The following C3orf85 variants were observed in gnomAD, a reference collection of about 807,000 sequenced individuals.
C3orf85 encodes the protein chromosome 3 open reading frame 85, also known as uncharacterized protein C3orf85.
In C3orf85, 1 loss-of-function variant was observed where a neutral mutation model predicts 1.7. The ratio of observed to expected loss-of-function variants is 0.60; its 90% CI spans 0.21 to 2.86. C3orf85 has a LOEUF of 2.86. C3orf85 is among the 30% of genes most tolerant of loss of function. The pLI, the probability that C3orf85 is intolerant of heterozygous loss-of-function variation, is 0.22. For synonymous variants in C3orf85, 17 were observed against 8.0 expected (o/e 2.13, Z -1.90); for missense variants, 29 against 21.3 (o/e 1.36, Z -0.72).
intron 2 of C3orf85, among the ~76,000 whole-genome samples, chr3:109,137,904 A>T (rs1381322379): frequency 6.6e-6 from 1 of 152,006 alleles, no homozygotes; most frequent in Non-Finnish European, 1.5e-5. Context: ...GCACATTGTA[A>T]TTTAAAGACA....
At position 109,148,282 on chromosome 3, in the gene C3orf85, G is replaced by C; in HGVS notation, c.79G>C (p.Asp27His). Residue 27 changes from aspartate to histidine, a missense_variant, in exon 3 of 4, where the codon GAC becomes CAC. By Grantham distance (81) the Asp-to-His change is moderately conservative. Coordinates refer to ENST00000622536, the MANE Select transcript of C3orf85 (RefSeq NM_001351622.2). ...ATTGGGAGCGCCATTTTTGTTGGAA[G>C]ACCCTGCAAACCAGTTCCTACGTCT... ...GALGAPFLLE[D>H]PANQFLRLKR... 2 of 702,196 alleles carry C rather than the reference G, an allele frequency of 2.8e-6. No homozygotes were observed. The highest frequency in any genetic ancestry group is 5.2e-6 in the Non-Finnish European group (2 of 384,608). 43.5% of individuals were successfully genotyped at this position (702,196 alleles called of 1,614,324 possible). A position where few individuals can be genotyped will look rare whatever the true frequency, so the allele number is the denominator to read the frequency against.
At position 109,150,426 on chromosome 3, in the gene C3orf85, TACA is replaced by T; in HGVS notation, c.*537_*539del. 1 of 152,296 alleles carries T rather than the reference TACA, an allele frequency of 6.6e-6. No homozygotes were observed. Among genetic ancestry groups the T allele is most frequent in the African/African-American group, 2.4e-5 (1 of 41,580 alleles). 9.4% of individuals were successfully genotyped at this position (152,296 alleles called of 1,614,324 possible). A position where few individuals can be genotyped will look rare whatever the true frequency, so the allele number is the denominator to read the frequency against. ...AGTGGAGAATACAGCCTTACCTTAATACAACAAGTAGATAGTGGCTAGGAACTC... is the reference window on the plus strand; with the variant it reads ...AGTGGAGAATACAGCCTTACCTTAATACAAGTAGATAGTGGCTAGGAACTC... On this transcript the variant is annotated 3_prime_UTR_variant, in exon 4 of 4. Transcript: ENST00000622536.
At chr3:109,146,963 A>G (rs1156685002) in intron 2 of C3orf85, among the ~76,000 whole-genome samples, 2 of 152,074 alleles carry the variant, frequency 1.3e-5, no homozygotes. Context: ...TGTCACTAAT[A>G]CCTCCTAAGT....
chr3:109,147,366 A>T (rs1706812194), intron 2 of C3orf85, among the ~76,000 whole-genome samples: 1 of 152,190 alleles, frequency 6.6e-6, no homozygotes, highest in Non-Finnish European at 1.5e-5. Flanking sequence ...GTTGGTCAAC[A>T]GAGGACTGCT....
chr3:109,145,930 C>A (rs542086973), intron 2 of C3orf85, among the ~76,000 whole-genome samples: 5 of 152,284 alleles, frequency 3.3e-5, no homozygotes, highest in East Asian at 1.9e-4. Flanking sequence ...AGAATACATG[C>A]GCTTTGCTTC....
At chr3:109,142,361 T>A (rs1157288803) in intron 2 of C3orf85, among the ~76,000 whole-genome samples, 1 of 152,128 alleles carries the variant, frequency 6.6e-6, no homozygotes, top group African/African-American at 2.4e-5. Context: ...AAACAATAAA[T>A]ATTATTAGGT....
At chr3:109,139,182 T>A (rs1405379449) in intron 2 of C3orf85, among the ~76,000 whole-genome samples, 1 of 152,262 alleles carries the variant, frequency 6.6e-6, no homozygotes, top group Admixed American at 6.5e-5. Flanking sequence ...CTACCACTTA[T>A]GAGAACAAAA....
intron 2 of C3orf85, among the ~76,000 whole-genome samples, chr3:109,145,191 G>T (rs899956922): frequency 3.3e-5 from 5 of 151,780 alleles, no homozygotes; most frequent in African/African-American, 1.2e-4. Context: ...TTTACTATCT[G>T]TCCTTACACC....
chr3:109,148,691 G>T, intron 3 of C3orf85: 1 of 305,200 alleles, frequency 3.3e-6, no homozygotes, highest in Non-Finnish European at 6.2e-6. Context: ...AATGTCAATT[G>T]GAATTACTTG....
rs751674362 is a variant in C3orf85, at chr3:109,137,637, G to GTGTGTGTATATATA, written c.49+742_49+743insGTGTGTATATATAT. ...TGTATATATGTGTGTGTGTGTGTGT[G>GTGTGTGTATATATA]TATATATATATATATATATATATAT... On this transcript the variant is annotated intron_variant, in intron 2 of 3. Transcript: ENST00000622536. Among the ~76,000 whole-genome samples the GTGTGTGTATATATA allele has an allele frequency of 7.8e-3, 626 of 79,874 alleles. 8 individuals are homozygous for GTGTGTGTATATATA. The highest frequency in any genetic ancestry group is 0.013 in the Non-Finnish European group (476 of 37,728). The allele number at this position is 79,874 out of a possible 152,430, so 52.4% of individuals were successfully genotyped here.
rs189335001 is a variant in C3orf85, at chr3:109,144,243, G to T, written c.50-4010G>T. ...CTCACTAACTTTCAAGGTTGATCAG[G>T]CAGAATGAAAAAGGGAGGAGAAATT... On this transcript the variant is annotated intron_variant, in intron 2 of 3. Coordinates refer to ENST00000622536, the MANE Select transcript of C3orf85 (RefSeq NM_001351622.2). 3.3e-5 allele frequency among the ~76,000 whole-genome samples: 5 copies of T among 152,164 alleles called. No homozygotes were observed. The East Asian group carries it at 9.7e-4, about 30-fold the overall frequency.
chr3:109,142,088 A>G (rs9865616), intron 2 of C3orf85, among the ~76,000 whole-genome samples: 18,426 of 152,196 alleles, frequency 0.12, 2,859 homozygotes, highest in African/African-American at 0.37. Context: ...GAACGTAAAC[A>G]TGAGTATTTT....
chr3:109,137,686 C>A lies in C3orf85; in HGVS notation c.49+790C>A, dbSNP rs192154932. 3.8e-3 allele frequency among the ~76,000 whole-genome samples: 435 copies of A among 115,298 alleles called. 1 individual carries two copies. Among genetic ancestry groups the A allele is most frequent in the Admixed American group, 6.1e-3 (57 of 9,370 alleles). The allele number at this position is 115,298 out of a possible 152,430, so 75.6% of individuals were successfully genotyped here. A position where few individuals can be genotyped will look rare whatever the true frequency, so the allele number is the denominator to read the frequency against. ...ATATATATAAAATAAGCCTTCAATTCCTAAACATAGAAATAATTTTAATAA... is the reference window on the plus strand; with the variant it reads ...ATATATATAAAATAAGCCTTCAATTACTAAACATAGAAATAATTTTAATAA... On this transcript the variant is annotated intron_variant, in intron 2 of 3. Transcript: ENST00000622536.
intron 2 of C3orf85, among the ~76,000 whole-genome samples, chr3:109,142,755 T>C (rs551942406): frequency 6.6e-6 from 1 of 152,054 alleles, no homozygotes; most frequent in South Asian, 2.1e-4. Context: ...CAACAGACTA[T>C]TGGGTTCTTT....
In C3orf85 at chr3:109,148,577, T is replaced by G. The variant is rs919398929; in HGVS notation, c.183+191T>G. The G allele has an allele frequency of 9.3e-6, 5 of 535,196 alleles. No homozygotes were observed. In the African/African-American group the frequency reaches 9.6e-5, roughly 10 times the overall value. The allele number at this position is 535,196 out of a possible 1,614,324, so 33.2% of individuals were successfully genotyped here. ...TAAACTCTGCCTCTTGCTTAAAGAC[T>G]AGACTCAAATGTCCCTCTGAAGCCT... On this transcript the variant is annotated intron_variant, in intron 3 of 3. Coordinates refer to ENST00000622536, the MANE Select transcript of C3orf85 (RefSeq NM_001351622.2).
chr3:109,149,064 C>G (rs538296334), intron 3 of C3orf85: 1 of 152,308 alleles, frequency 6.6e-6, no homozygotes, highest in East Asian at 1.9e-4. Context: ...CATTAAAACT[C>G]CAGGCCAAAT....
intron 2 of C3orf85, among the ~76,000 whole-genome samples, chr3:109,144,005 A>T (rs1002147060): frequency 1.3e-5 from 2 of 152,212 alleles, no homozygotes; most frequent in African/African-American, 4.8e-5. Context: ...GAGTAAAAAA[A>T]GGGGCATGTG....
At position 109,151,367 on chromosome 3, in the gene C3orf85, G is replaced by A. The variant is rs941409231; in HGVS notation, c.*1473G>A. Among the ~76,000 whole-genome samples, 2 of 152,208 alleles carry A rather than the reference G, an allele frequency of 1.3e-5. No individual in the cohort carries two copies. The highest frequency in any genetic ancestry group is 2.1e-4 in the South Asian group (1 of 4,820). On this transcript the variant is annotated 3_prime_UTR_variant, in exon 4 of 4. Coordinates refer to ENST00000622536, the MANE Select transcript of C3orf85 (RefSeq NM_001351622.2). ...TATATAGAGATGCTCCTCAACATAC[G>A]ATGGCGTTACATCCCAATAAACCCG...
intron 2 of C3orf85, among the ~76,000 whole-genome samples, chr3:109,142,665 A>G (rs1706753736): frequency 6.6e-6 from 1 of 151,388 alleles, no homozygotes; most frequent in Admixed American, 6.6e-5. Context: ...CTATCTGGGA[A>G]TGACAAGCTC....
Sources: gnomAD v4.1 joint callset for allele counts (sites outside exome capture counted in the v4.1 genomes callset) on GRCh38, gnomAD v4.1.1 for gene constraint, MANE v1.5 for transcripts, NCBI Gene and HGNC (gene_info 2026-07-23, HGNC 2026-07-21) for gene names.